ANK3: variants seen among roughly 807,000 people sequenced by gnomAD.
ANK3 encodes ankyrin 3, also known as ankyrin-3.
Under a neutral mutation model 370.9 loss-of-function variants are expected in ANK3, and 57 were observed. That is an observed-to-expected ratio of 0.15 (90% CI 0.12 to 0.19). ANK3 has a LOEUF of 0.19. ANK3 is among the 10% of genes least tolerant of loss of function. The probability of loss-of-function intolerance (pLI) is 1.00; values close to 1 mark genes in which losing one functional copy is unlikely to be tolerated. For synonymous variants in ANK3, 1,929 were observed against 1,946.3 expected (o/e 0.99, Z 0.23); for missense variants, 4,439 against 5,302.1 (o/e 0.84, Z 5.06).
chr10:60,511,293 T>C (rs2076073445), intron 2 of ANK3, among the ~76,000 whole-genome samples: 1 of 152,138 alleles, frequency 6.6e-6, no homozygotes, highest in African/African-American at 2.4e-5. Context: ...TTTGTTACTA[T>C]GACTTACTAT....
intron 1 of ANK3, among the ~76,000 whole-genome samples, chr10:60,321,271 C>T (rs1157219737): frequency 6.6e-6 from 1 of 151,502 alleles, no homozygotes; most frequent in Non-Finnish European, 1.5e-5. Flanking sequence ...ATCTGTGGTC[C>T]CAGCTACTCA....
chr10:60,090,111 G>C (rs955677735), intron 28 of ANK3, among the ~76,000 whole-genome samples: 4 of 152,140 alleles, frequency 2.6e-5, no homozygotes, highest in Non-Finnish European at 5.9e-5. Flanking sequence ...GAGGTCAGGA[G>C]TTCAAGACCA....
chr10:60,526,192 T>C (rs1214680779), intron 2 of ANK3, among the ~76,000 whole-genome samples: 2 of 152,130 alleles, frequency 1.3e-5, no homozygotes, highest in Non-Finnish European at 2.9e-5. Flanking sequence ...ACACTCATTC[T>C]TCACACACAG....
intron 2 of ANK3, among the ~76,000 whole-genome samples, chr10:60,461,564 A>G (rs1310481882): frequency 1.3e-5 from 2 of 152,228 alleles, no homozygotes; most frequent in African/African-American, 4.8e-5. Context: ...CATAAGACAT[A>G]CTTTGTCTGA....
intron 28 of ANK3, among the ~76,000 whole-genome samples, chr10:60,096,477 C>T (rs1423653505): frequency 2.6e-5 from 4 of 152,154 alleles, no homozygotes; most frequent in Non-Finnish European, 5.9e-5. Flanking sequence ...GAGTTCCTAG[C>T]TCCTAATGCA....
chr10:60,538,376 G>T (rs2076770308), intron 2 of ANK3, among the ~76,000 whole-genome samples: 1 of 151,890 alleles, frequency 6.6e-6, no homozygotes, highest in Non-Finnish European at 1.5e-5. Context: ...TTACCTGTTT[G>T]TCAGCAGGCT....
chr10:60,687,939 T>C (rs1367991140), intron 1 of ANK3, among the ~76,000 whole-genome samples: 5 of 152,204 alleles, frequency 3.3e-5, no homozygotes, highest in African/African-American at 1.2e-4. Context: ...GATATTATGC[T>C]AAGTGAAATA....
intron 1 of ANK3, among the ~76,000 whole-genome samples, chr10:60,315,013 T>A (rs1287688176): frequency 6.6e-6 from 1 of 152,222 alleles, no homozygotes; most frequent in South Asian, 2.1e-4. Flanking sequence ...AGACGAATGA[T>A]GATATCTTTC....
chr10:60,205,357 A>G (rs1382567520), intron 11 of ANK3, among the ~76,000 whole-genome samples: 2 of 152,174 alleles, frequency 1.3e-5, no homozygotes. Flanking sequence ...ACTGTCCTGT[A>G]TACTGTAAAC....
intron 41 of ANK3, 97 bp downstream of exon 41, chr10:60,059,243 G>C: frequency 2.9e-6 from 3 of 1,022,338 alleles, no homozygotes; most frequent in Non-Finnish European, 3.1e-6. Flanking sequence ...GAACTAGAAT[G>C]GTAATTTAGA....
chr10:60,690,376 C>G (rs2079334343), intron 1 of ANK3, among the ~76,000 whole-genome samples: 1 of 152,114 alleles, frequency 6.6e-6, no homozygotes, highest in Admixed American at 6.5e-5. Flanking sequence ...TCGGGACACT[C>G]CCACCCTAAT....
In ANK3 at chr10:60,524,346, G is replaced by A. The variant is rs112961022; in HGVS notation, c.96+90840C>T. On this transcript the variant is annotated intron_variant, in intron 2 of 43. Coordinates refer to the ANK3 transcript ENST00000373827. Reference sequence around the variant, plus strand: ...ACAGAAGAGTATAGACCATTGATACGGTTTGGCTCTGTGTCCCCACCCAAA... The same window carrying A: ...ACAGAAGAGTATAGACCATTGATACAGTTTGGCTCTGTGTCCCCACCCAAA... 1.0e-3 allele frequency among the ~76,000 whole-genome samples: 158 copies of A among 152,168 alleles called. 1 individual carries two copies. Among genetic ancestry groups the A allele is most frequent in the African/African-American group, 3.2e-3 (132 of 41,530 alleles).
intron 8 of ANK3, among the ~76,000 whole-genome samples, chr10:60,230,190 T>G (rs571723805): frequency 6.6e-6 from 1 of 152,298 alleles, no homozygotes; most frequent in Admixed American, 6.5e-5. Context: ...TGTGAATTGA[T>G]GCAGAGCAAA....
At chr10:60,639,433 A>G (rs10994446) in intron 1 of ANK3, among the ~76,000 whole-genome samples, 102,005 of 150,778 alleles carry the variant, frequency 0.68, 34,666 homozygotes, top group South Asian at 0.83. Context: ...AAATATAAGA[A>G]GTAATTTTAA....
chr10:60,717,431 G>A (rs572285472), intron 1 of ANK3, among the ~76,000 whole-genome samples: 1 of 152,270 alleles, frequency 6.6e-6, no homozygotes, highest in South Asian at 2.1e-4. Flanking sequence ...ATTCAGCTGG[G>A]AGCAGCCTGT....
At chr10:60,452,813 CTTGT>C (rs1478000775) in intron 2 of ANK3, among the ~76,000 whole-genome samples, 1 of 152,160 alleles carries the variant, frequency 6.6e-6, no homozygotes, top group Admixed American at 6.5e-5. Context: ...GCTGGGAAGG[CTTGT>C]TTGTTCTGTG....
intron 1 of ANK3, chr10:60,684,777 A>T: frequency 3.9e-6 from 6 of 1,557,216 alleles, no homozygotes; most frequent in Non-Finnish European, 5.3e-6. Context: ...CATATACCAG[A>T]TGCACAGATG....
Position 60,733,262 on chromosome 10 carries a change from C to G in ANK3, c.57+1G>C. On this transcript the variant is annotated splice_donor_variant, in intron 1 of 43. Coordinates refer to the ANK3 transcript ENST00000373827. LOFTEE classifies it high-confidence loss of function. ...AGGTAGGGGGGCGGCGCGGCGCTCA[C>G]CTGGGCAGGAGCGGAGTCCTCGGTG... The G allele has an allele frequency of 8.1e-7, 1 of 1,240,378 alleles. No individual in the cohort carries two copies. Among genetic ancestry groups the G allele is most frequent in the East Asian group, 3.1e-5 (1 of 31,884 alleles). The allele number at this position is 1,240,378 out of a possible 1,614,324, so 76.8% of individuals were successfully genotyped here.
At chr10:60,326,585 G>A (rs1467002491) in intron 1 of ANK3, among the ~76,000 whole-genome samples, 2 of 151,996 alleles carry the variant, frequency 1.3e-5, no homozygotes, top group Non-Finnish European at 2.9e-5. Context: ...TAGTCTCCCT[G>A]GAAGACTCTC....
Sources: gnomAD v4.1 joint callset for allele counts (sites outside exome capture counted in the v4.1 genomes callset) on GRCh38, gnomAD v4.1.1 for gene constraint, MANE v1.5 for transcripts, NCBI Gene and HGNC (gene_info 2026-07-23, HGNC 2026-07-21) for gene names.